The following MCC variants were observed in gnomAD, a reference collection of about 807,000 sequenced individuals.
MCC encodes the protein MCC regulator of Wnt signaling pathway, also known as colorectal mutant cancer protein.
MCC carries 90 observed loss-of-function variants against 116.2 expected under a neutral mutation model. The ratio of observed to expected loss-of-function variants is 0.77; its 90% CI spans 0.65 to 0.92. The LOEUF (loss-of-function observed/expected upper bound fraction) is 0.92, where lower values mean the gene tolerates loss of function less well. Among genes scored for constraint, MCC ranks in the 40% least tolerant of loss-of-function variants. The pLI, the probability that MCC is intolerant of heterozygous loss-of-function variation, is 0.00. For synonymous variants in MCC, 578 were observed against 510.5 expected (o/e 1.13, Z -1.78); for missense variants, 1,516 against 1,312.2 (o/e 1.16, Z -2.40).
At chr5:113,055,691 G>A (rs1288982441) in intron 14 of MCC, among the ~76,000 whole-genome samples, 4 of 152,222 alleles carry the variant, frequency 2.6e-5, no homozygotes, top group Admixed American at 2.0e-4. Context: ...TCTCTTCAGA[G>A]GCTATGCCCA....
chr5:113,265,224 T>G (rs999571947), intron 3 of MCC, among the ~76,000 whole-genome samples: 7 of 152,186 alleles, frequency 4.6e-5, no homozygotes, highest in African/African-American at 7.2e-5. Context: ...GGCCCAAGTC[T>G]GCTATGCCTC....
At chr5:113,308,107 A>G (rs1218049358) in intron 3 of MCC, among the ~76,000 whole-genome samples, 1 of 151,918 alleles carries the variant, frequency 6.6e-6, no homozygotes, top group Non-Finnish European at 1.5e-5. Context: ...CCAATAGCTG[A>G]GACTACAGAC....
intron 3 of MCC, among the ~76,000 whole-genome samples, chr5:113,319,649 TTAAATTTTATATA>T (rs1767369379): frequency 6.6e-6 from 1 of 152,214 alleles, no homozygotes; most frequent in Admixed American, 6.5e-5. Flanking sequence ...CATGGCTCAA[TTAAATTTTATATA>T]TAACAAATAT....
chr5:113,195,450 T>A (rs2150315757), intron 3 of MCC, among the ~76,000 whole-genome samples: 1 of 152,170 alleles, frequency 6.6e-6, no homozygotes, highest in African/African-American at 2.4e-5. Flanking sequence ...GTTTCTCATC[T>A]CTTCGTATGA....
intron 13 of MCC, among the ~76,000 whole-genome samples, chr5:113,067,529 T>G (rs6859927): frequency 1.3e-5 from 2 of 152,220 alleles, no homozygotes; most frequent in Non-Finnish European, 2.9e-5. Flanking sequence ...CCCAGCTACT[T>G]GGGAGGCTGA....
chr5:113,277,060 C>T (rs922976122), intron 3 of MCC, among the ~76,000 whole-genome samples: 52 of 151,784 alleles, frequency 3.4e-4, no homozygotes, highest in Middle Eastern at 3.4e-3. Context: ...AAAGACATAC[C>T]GGCCAGGCAT....
intron 3 of MCC, among the ~76,000 whole-genome samples, chr5:113,169,186 A>G (rs1212195795): frequency 6.6e-6 from 1 of 152,150 alleles, no homozygotes; most frequent in Admixed American, 6.6e-5. Context: ...GGGAGGAGAA[A>G]AAGGGGAAAA....
intron 8 of MCC, among the ~76,000 whole-genome samples, chr5:113,091,700 C>T (rs771402662): frequency 2.0e-5 from 3 of 152,012 alleles, no homozygotes; most frequent in Non-Finnish European, 2.9e-5. Flanking sequence ...TGGGCAATAG[C>T]GCAAGACCCT....
chr5:113,487,378 T>C (rs1431463062), intron 1 of MCC, among the ~76,000 whole-genome samples: 2 of 152,216 alleles, frequency 1.3e-5, no homozygotes, highest in Admixed American at 6.5e-5. Context: ...GTGTCAACCA[T>C]TCAATAGAAG....
chr5:113,185,509 CAGG>C (rs1177950436), intron 3 of MCC, among the ~76,000 whole-genome samples: 3 of 152,178 alleles, frequency 2.0e-5, no homozygotes, highest in African/African-American at 7.2e-5. Flanking sequence ...TCCCAACCAA[CAGG>C]AGATTAGAAG....
chr5:113,043,083 C>T (rs774719974), intron 17 of MCC, among the ~76,000 whole-genome samples: 28 of 152,092 alleles, frequency 1.8e-4, no homozygotes, highest in Non-Finnish European at 2.6e-4. Flanking sequence ...AACTGGGGGG[C>T]GGTGAGGGGA....
chr5:113,192,174 C>T (rs1414660417), intron 3 of MCC, among the ~76,000 whole-genome samples: 1 of 152,198 alleles, frequency 6.6e-6, no homozygotes, highest in Admixed American at 6.5e-5. Flanking sequence ...ACCCACCAGG[C>T]TCTAAGGAAG....
At chr5:113,401,114 GTAT>G (rs1458640255) in intron 1 of MCC, among the ~76,000 whole-genome samples, 15 of 152,132 alleles carry the variant, frequency 9.9e-5, no homozygotes, top group African/African-American at 2.9e-4. Context: ...ATTTCTAAGT[GTAT>G]TTTAATAATA....
At chr5:113,225,334 C>G (rs1427895437) in intron 3 of MCC, among the ~76,000 whole-genome samples, 2 of 152,200 alleles carry the variant, frequency 1.3e-5, no homozygotes, top group African/African-American at 4.8e-5. Flanking sequence ...TCCACCCAGG[C>G]AGTCATCACT....
At chr5:113,030,053 G>C (rs1750848475) in intron 17 of MCC, among the ~76,000 whole-genome samples, 1 of 152,060 alleles carries the variant, frequency 6.6e-6, no homozygotes, top group African/African-American at 2.4e-5. Flanking sequence ...TGATTCTTTG[G>C]GCATATTAAG....
chr5:113,184,271 G>A (rs1232113977), intron 3 of MCC, among the ~76,000 whole-genome samples: 2 of 152,166 alleles, frequency 1.3e-5, no homozygotes, highest in African/African-American at 4.8e-5. Flanking sequence ...GTCTAAAAGA[G>A]CTACATCAGC....
rs375346133 is a variant in MCC at position 113,204,240 on chromosome 5, G to A, written c.628-52818C>T. On this transcript the variant is annotated intron_variant, in intron 3 of 18. Coordinates refer to ENST00000408903, the MANE Select transcript of MCC (RefSeq NM_001085377.2). Reference sequence around the variant, plus strand: ...AAGGCATACTTAAAATCATCACAAAGCCTCTTTCTAGCACTAAATGTGAAG... The same window carrying A: ...AAGGCATACTTAAAATCATCACAAAACCTCTTTCTAGCACTAAATGTGAAG... Among the ~76,000 whole-genome samples the A allele has an allele frequency of 4.6e-5, 7 of 152,306 alleles. No individual in the cohort carries two copies. The East Asian group carries it at 1.2e-3, about 25-fold the overall frequency.
intron 1 of MCC, among the ~76,000 whole-genome samples, chr5:113,421,592 CTCACATTTACAAGA>C: frequency 6.6e-6 from 1 of 152,298 alleles, no homozygotes; most frequent in African/African-American, 2.4e-5. Context: ...CTTTTCCAAG[CTCACATTTACAAGA>C]CCCTTTCGCT....
intron 3 of MCC, among the ~76,000 whole-genome samples, chr5:113,190,416 G>A (rs1488677472): frequency 6.6e-6 from 1 of 152,108 alleles, no homozygotes; most frequent in African/African-American, 2.4e-5. Context: ...GCGGAAGGAG[G>A]GGCTATAAGG....
Sources: allele counts gnomAD v4.1 joint callset (sites outside exome capture counted in the v4.1 genomes callset), GRCh38; gene constraint gnomAD v4.1.1; transcripts MANE v1.5; gene names NCBI Gene and HGNC (gene_info 2026-07-23, HGNC 2026-07-21).